Variants in DSCAML1 observed in about 807,000 individuals in gnomAD.
DSCAML1 encodes the protein DS cell adhesion molecule like 1, also known as cell adhesion molecule DSCAML1.
In DSCAML1, 38 loss-of-function variants were observed where a neutral mutation model predicts 200.5. The ratio of observed to expected loss-of-function variants is 0.19; its 90% CI spans 0.15 to 0.25. The LOEUF is 0.25. Ranked by LOEUF, DSCAML1 falls within the 10% of genes least tolerant of loss-of-function variation. The pLI, the probability that DSCAML1 is intolerant of heterozygous loss-of-function variation, is 1.00. For missense variants in DSCAML1, 2,223 were observed against 2,858.8 expected, an observed-to-expected ratio of 0.78 and a Z score of 5.07; for synonymous variants, 1,215 against 1,165.0, an observed-to-expected ratio of 1.04 and a Z score of -0.87.
At chr11:117,442,120 AGT>A (rs3057895) in intron 21 of DSCAML1, among the ~76,000 whole-genome samples, 14,747 of 151,174 alleles carry the variant, frequency 0.098, 897 homozygotes, top group Non-Finnish European at 0.13. Flanking sequence ...TGCATATGTG[AGT>A]GTGCACGTGT....
intron 11 of DSCAML1, among the ~76,000 whole-genome samples, chr11:117,492,766 C>T (rs767828991): frequency 1.9e-4 from 29 of 152,288 alleles, no homozygotes; most frequent in African/African-American, 3.4e-4. Flanking sequence ...TCGACGGCAG[C>T]GGCATCTCCA....
At chr11:117,492,317 A>G (rs779930271) in intron 11 of DSCAML1, among the ~76,000 whole-genome samples, 1 of 152,124 alleles carries the variant, frequency 6.6e-6, no homozygotes, top group African/African-American at 2.4e-5. Context: ...TGAAAGTCTA[A>G]CTGAAATCTC....
chr11:117,539,996 A>G (rs2050237987), intron 3 of DSCAML1, among the ~76,000 whole-genome samples: 1 of 152,264 alleles, frequency 6.6e-6, no homozygotes, highest in South Asian at 2.1e-4. Context: ...TCTTGAGGAC[A>G]TTATCCTAAG....
intron 3 of DSCAML1, among the ~76,000 whole-genome samples, chr11:117,558,761 G>A (rs2050604671): frequency 6.6e-6 from 1 of 152,204 alleles, no homozygotes; most frequent in African/African-American, 2.4e-5. Flanking sequence ...ACTCTAAGGG[G>A]TCCACGTGAA....
At position 117,437,759 on chromosome 11, in the gene DSCAML1, C is replaced by G. The variant is rs540909787; in HGVS notation, c.4432+136G>C. ...TGTGGTGACGGGAAGGAGGCTGAGG[C>G]TCCTCCCTTCAGTCTCCCTGCATCC... On this transcript the variant is annotated intron_variant, in intron 25 of 32. Transcript: ENST00000651296. This position sits in a 1 kb window ranked among gnomAD's most constrained non-coding sequence, Gnocchi z 5.3. 7.5e-4 allele frequency: 743 copies of G among 997,236 alleles called. 2 individuals are homozygous for G. Among genetic ancestry groups the G allele is most frequent in the Admixed American group, 1.4e-3 (49 of 34,242 alleles). 61.8% of individuals were successfully genotyped at this position (997,236 alleles called of 1,614,324 possible).
chr11:117,683,770 C>T (rs1391761228), intron 3 of DSCAML1, among the ~76,000 whole-genome samples: 1 of 152,192 alleles, frequency 6.6e-6, no homozygotes, highest in Non-Finnish European at 1.5e-5. Context: ...GGGAGAAATA[C>T]AGTACACATT....
chr11:117,455,052 T>A (rs2048347307), intron 19 of DSCAML1, among the ~76,000 whole-genome samples: 1 of 152,204 alleles, frequency 6.6e-6, no homozygotes, highest in Non-Finnish European at 1.5e-5. Context: ...CAGGCTCACC[T>A]CCAGGGCCTC....
At chr11:117,644,216 G>C (rs150501257) in intron 3 of DSCAML1, among the ~76,000 whole-genome samples, 1 of 152,228 alleles carries the variant, frequency 6.6e-6, no homozygotes, top group East Asian at 1.9e-4. Flanking sequence ...GTCTCGAAAG[G>C]CTCCAGGAAC....
intron 20 of DSCAML1, 81 bp from the exon 21 acceptor site, chr11:117,444,120 CAG>C: frequency 6.7e-7 from 1 of 1,487,148 alleles, no homozygotes; most frequent in Non-Finnish European, 9.0e-7. Flanking sequence ...GCCCGGGGCT[CAG>C]AGGAGAGGAT....
intron 3 of DSCAML1, among the ~76,000 whole-genome samples, chr11:117,577,421 TTTCC>T (rs1591285399): frequency 1.1e-5 from 1 of 88,068 alleles, no homozygotes; most frequent in Non-Finnish European, 2.1e-5. Context: ...CCTTTCCTCC[TTTCC>T]TTCCTTCCTT....
intron 11 of DSCAML1, among the ~76,000 whole-genome samples, chr11:117,491,070 A>C (rs1305163977): frequency 6.6e-6 from 1 of 152,158 alleles, no homozygotes; most frequent in Non-Finnish European, 1.5e-5. Flanking sequence ...GTGAATACCC[A>C]AAGGAGAGGA....
chr11:117,456,297 G>A (rs2048366944), intron 19 of DSCAML1, among the ~76,000 whole-genome samples: 1 of 152,200 alleles, frequency 6.6e-6, no homozygotes, highest in Non-Finnish European at 1.5e-5. Context: ...ACCAACCCTG[G>A]AGCTGTCCTA....
At chr11:117,440,177 G>A (rs2048013534) in intron 21 of DSCAML1, among the ~76,000 whole-genome samples, 1 of 152,164 alleles carries the variant, frequency 6.6e-6, no homozygotes, top group Non-Finnish European at 1.5e-5. Flanking sequence ...TTCAAAAAAT[G>A]AGTATGATTT....
chr11:117,520,526 C>T (rs987759273), intron 6 of DSCAML1, among the ~76,000 whole-genome samples: 2 of 151,952 alleles, frequency 1.3e-5, no homozygotes, highest in African/African-American at 2.4e-5. Flanking sequence ...GTTAAGAGAC[C>T]TGAGCTCAAA....
At chr11:117,681,113 A>G (rs1001036906) in intron 3 of DSCAML1, among the ~76,000 whole-genome samples, 1 of 152,156 alleles carries the variant, frequency 6.6e-6, no homozygotes, top group Non-Finnish European at 1.5e-5. Context: ...GGGACACAAA[A>G]CACGCATCTG....
At chr11:117,649,598 CTCT>C (rs1235750112) in intron 3 of DSCAML1, among the ~76,000 whole-genome samples, 1 of 152,220 alleles carries the variant, frequency 6.6e-6, no homozygotes, top group African/African-American at 2.4e-5. Flanking sequence ...GACCCCACCA[CTCT>C]TCTTCATTGA....
At chr11:117,484,899 G>A (rs1343782661) in intron 11 of DSCAML1, among the ~76,000 whole-genome samples, 2 of 77,802 alleles carry the variant, frequency 2.6e-5, no homozygotes, top group Non-Finnish European at 4.9e-5. Flanking sequence ...GTGTGTGTGT[G>A]TGTGTGTGTG....
At chr11:117,464,113 T>C (rs1395764908) in intron 17 of DSCAML1, among the ~76,000 whole-genome samples, 1 of 152,150 alleles carries the variant, frequency 6.6e-6, no homozygotes, top group Non-Finnish European at 1.5e-5. Flanking sequence ...CCCTCCGGAC[T>C]GTTGGTTTCG....
At chr11:117,746,455 C>T (rs2054519601) in intron 3 of DSCAML1, among the ~76,000 whole-genome samples, 1 of 152,048 alleles carries the variant, frequency 6.6e-6, no homozygotes, top group Non-Finnish European at 1.5e-5. Flanking sequence ...CTCTCTGCCT[C>T]TCGTCTTCTC....
Sources: gnomAD v4.1 joint callset for allele counts (sites outside exome capture counted in the v4.1 genomes callset) on GRCh38, gnomAD v4.1.1 for gene constraint, Gnocchi (gnomAD v3.1) non-coding constraint, MANE v1.5 for transcripts, NCBI Gene and HGNC (gene_info 2026-07-23, HGNC 2026-07-21) for gene names.